The following ZC3HC1 variants were observed in gnomAD, a reference collection of about 807,000 sequenced individuals.
ZC3HC1 encodes zinc finger C3HC-type protein 1.
A neutral mutation model predicts 61.9 loss-of-function variants in ZC3HC1; 38 were observed. The ratio of observed to expected loss-of-function variants is 0.61; its 90% CI spans 0.47 to 0.81. The LOEUF is 0.81. Ranked by LOEUF, ZC3HC1 falls within the 30% of genes least tolerant of loss-of-function variation. The pLI is 0.00. For synonymous variants in ZC3HC1, 213 were observed against 229.9 expected (o/e 0.93, Z 0.67); for missense variants, 554 against 622.7 (o/e 0.89, Z 1.17).
intron 9 of ZC3HC1, 58 bp downstream of exon 9, chr7:130,022,261 G>A: frequency 3.1e-6 from 5 of 1,605,332 alleles, no homozygotes; most frequent in Non-Finnish European, 2.6e-6. Context: ...CCCAGCCTCT[G>A]CTCCACCTCC....
At chr7:130,024,205 C>A in intron 7 of ZC3HC1, 58 bp downstream of exon 7, 1 of 1,533,508 alleles carries the variant, frequency 6.5e-7, no homozygotes, top group Non-Finnish European at 8.8e-7. Context: ...TTTCTACCAA[C>A]AACACTTTTG....
In ZC3HC1 at chr7:130,049,013, C is replaced by T. The variant is rs1288100007; in HGVS notation, c.258+20G>A. The T allele has an allele frequency of 1.9e-6, 3 of 1,574,262 alleles. No homozygotes were observed. The highest frequency in any genetic ancestry group is 2.6e-6 in the Non-Finnish European group (3 of 1,157,514). On this transcript the variant is annotated intron_variant, in intron 2 of 9. Coordinates refer to ENST00000358303, the MANE Select transcript of ZC3HC1 (RefSeq NM_016478.5). ...AGAAGCAGGCAGAAAGTGCAATTCA[C>T]ATGAACTAAAAAAGGATATAGAAAA... is the stretch of plus-strand genomic sequence containing the variant.
At chr7:130,038,050 C>T (rs1403181523) in intron 4 of ZC3HC1, among the ~76,000 whole-genome samples, 1 of 152,186 alleles carries the variant, frequency 6.6e-6, no homozygotes, top group Non-Finnish European at 1.5e-5. Context: ...CCTGTCTTGG[C>T]CTCCCAGTGT....
chr7:130,039,087 C>G (rs1441067684), intron 4 of ZC3HC1, among the ~76,000 whole-genome samples: 1 of 151,606 alleles, frequency 6.6e-6, no homozygotes, highest in Non-Finnish European at 1.5e-5. Context: ...CCCTGTAATC[C>G]CAATCCCAGC....
At chr7:130,020,155 G>A (rs1291931400) in intron 9 of ZC3HC1, among the ~76,000 whole-genome samples, 2 of 151,818 alleles carry the variant, frequency 1.3e-5, no homozygotes, top group South Asian at 2.1e-4. Flanking sequence ...CTTTGAGGAT[G>A]TTTCAATAAG....
chr7:130,022,119 T>C (rs1352918882), intron 9 of ZC3HC1, among the ~76,000 whole-genome samples, 200 bp downstream of exon 9: 4 of 152,026 alleles, frequency 2.6e-5, no homozygotes, highest in African/African-American at 9.7e-5. Context: ...TGCAGTGAGC[T>C]GAGATCGTGC....
Position 130,024,438 on chromosome 7 carries a change from C to T in ZC3HC1, c.845G>A (p.Trp282Ter). Residue 282 changes from tryptophan to a stop codon, truncating the protein, a stop_gained, in exon 7 of 10, where the codon TGG becomes TAG. Transcript: ENST00000358303. LOFTEE classifies it high-confidence loss of function. The part of the protein sequence containing the change: ...CSQCMRKVGL[W>*]GFQQIESSMT... ...GGACGATTCAATCTGCTGGAAGCCC[C>T]AGAGCCCCACCTTCCTCATACATTG... 1.2e-6 allele frequency: 2 copies of T among 1,614,178 alleles called. No homozygotes were observed. Among genetic ancestry groups the T allele is most frequent in the Non-Finnish European group, 1.7e-6 (2 of 1,180,038 alleles).
chr7:130,034,484 CAAAAAAAAAAAA>C (rs35780865), intron 4 of ZC3HC1, among the ~76,000 whole-genome samples: 2 of 62,274 alleles, frequency 3.2e-5, no homozygotes, highest in African/African-American at 1.2e-4. Context: ...GACTCCGTCT[CAAAAAAAAAAAA>C]AAAAAAAAAA....
chr7:130,028,209 A>G (rs530792926), intron 5 of ZC3HC1, among the ~76,000 whole-genome samples: 7 of 149,578 alleles, frequency 4.7e-5, no homozygotes, highest in African/African-American at 1.5e-4. Context: ...AAGATATGCA[A>G]TAAACCATAT....
intron 2 of ZC3HC1, among the ~76,000 whole-genome samples, chr7:130,047,085 C>T (rs903112693): frequency 1.3e-5 from 2 of 152,162 alleles, no homozygotes; most frequent in African/African-American, 4.8e-5. Flanking sequence ...GCCTCAGCCT[C>T]CCGAGTCACT....
rs1793681539 is a variant in ZC3HC1 at position 130,022,336 on chromosome 7, C to T, written c.1423G>A (p.Ala475Thr). ...LLAHKQSSQPAETDSMSLSEK... is the reference protein window; with the variant it reads ...LLAHKQSSQPTETDSMSLSEK... ...TATCTCACCATGGAGTCCGTTTCAG[C>T]TGGCTGGCTAGACTGTTTGTGCGCC... The change falls in exon 9 of 10, where the codon GCT becomes ACT. Residue 475 changes from alanine to threonine, a missense_variant. Physicochemically the swap from Ala to Thr is moderately conservative, Grantham distance 58. Coordinates refer to ENST00000358303, the MANE Select transcript of ZC3HC1 (RefSeq NM_016478.5). 1 of 1,614,070 alleles carries T rather than the reference C, an allele frequency of 6.2e-7. No homozygotes were observed. The highest frequency in any genetic ancestry group is 1.3e-5 in the African/African-American group (1 of 74,944).
At position 130,045,698 on chromosome 7, in the gene ZC3HC1, T is replaced by C. The variant is rs1035653846; in HGVS notation, c.258+3335A>G. ...GGGTGGATCACCTGATTTCAGGAGT[T>C]TGAGACCAGCCTGGCCAACATGGTG... On this transcript the variant is annotated intron_variant, in intron 2 of 9. Transcript: ENST00000358303. Among the ~76,000 whole-genome samples, 2 of 151,776 alleles carry C rather than the reference T, an allele frequency of 1.3e-5. 1 individual carries two copies. The highest frequency in any genetic ancestry group is 1.3e-4 in the Admixed American group (2 of 15,206).
chr7:130,043,523 T>C (rs970385065), intron 2 of ZC3HC1: 5 of 163,156 alleles, frequency 3.1e-5, no homozygotes, highest in African/African-American at 1.2e-4. Context: ...ATATCCAAAA[T>C]GTTGATCAAT....
At chr7:130,050,355 G>A in intron 1 of ZC3HC1, 1 of 1,435,860 alleles carries the variant, frequency 7.0e-7, no homozygotes. Context: ...TGGGATTATA[G>A]GCGTGAGCCA....
intron 8 of ZC3HC1, 85 bp from the exon 9 acceptor site, chr7:130,022,610 A>G (rs759277671): frequency 3.0e-5 from 42 of 1,413,122 alleles, no homozygotes; most frequent in Non-Finnish European, 4.0e-5. Context: ...TCAAGTCCAG[A>G]ATCTCACAAC....
At chr7:130,024,113 C>A in intron 7 of ZC3HC1, 150 bp downstream of exon 7, 1 of 1,182,378 alleles carries the variant, frequency 8.5e-7, no homozygotes, top group South Asian at 1.6e-5. Context: ...TTTAGCTTCC[C>A]CATTAGTGAA....
intron 1 of ZC3HC1, 134 bp downstream of exon 1, chr7:130,051,087 T>G (rs906584265): frequency 2.5e-6 from 3 of 1,211,138 alleles, no homozygotes; most frequent in Non-Finnish European, 3.4e-6. Flanking sequence ...TAACCAGAGT[T>G]TCTTTCAGAT....
Position 130,041,154 on chromosome 7 carries a change from ATGTGTGTGTGTG to A in ZC3HC1, c.259-65_259-54del, listed in dbSNP as rs34409527. 18 of 1,207,332 alleles carry A rather than the reference ATGTGTGTGTGTG, an allele frequency of 1.5e-5. No individual in the cohort carries two copies. In the East Asian group the frequency reaches 2.9e-4, roughly 20 times the overall value. 74.8% of individuals were successfully genotyped at this position (1,207,332 alleles called of 1,614,324 possible). A position where few individuals can be genotyped will look rare whatever the true frequency, so the allele number is the denominator to read the frequency against. ...CAAATATATATATATATGTGTGTGT[ATGTGTGTGTGTG>A]TGTGTGTGTGTATACACATACTGTT... On this transcript the variant is annotated intron_variant, in intron 2 of 9. Transcript: ENST00000358303.
At position 130,039,533 on chromosome 7, in the gene ZC3HC1, C is replaced by T; in HGVS notation, c.424G>A (p.Ala142Thr). ...GTACACAAGGCTTTCTTCAGCTCAG[C>T]ACATCGTTGCTTATCTGAAATCCAC... Reference protein sequence around the residue: ...FDFDRYKQRCAELKKALCTAH... With the variant: ...FDFDRYKQRCTELKKALCTAH... The change falls in exon 4 of 10, where the codon GCT becomes ACT. Residue 142 changes from alanine to threonine, a missense_variant. By Grantham distance (58) the Ala-to-Thr change is moderately conservative (BLOSUM62 0). Transcript: ENST00000358303. 1.9e-6 allele frequency: 3 copies of T among 1,609,624 alleles called. No individual in the cohort carries two copies. The highest frequency in any genetic ancestry group is 8.5e-7 in the Non-Finnish European group (1 of 1,178,842).
Sources: gnomAD v4.1 joint callset for allele counts (sites outside exome capture counted in the v4.1 genomes callset) on GRCh38, gnomAD v4.1.1 for gene constraint, MANE v1.5 for transcripts, NCBI Gene and HGNC (gene_info 2026-07-23, HGNC 2026-07-21) for gene names.